The following FRMD6 variants were observed in gnomAD, a reference collection of about 807,000 sequenced individuals.
FRMD6 encodes FERM domain containing 6.
FRMD6 carries 37 observed loss-of-function variants against 73.2 expected under a neutral mutation model. That is an observed-to-expected ratio of 0.51 (90% CI 0.39 to 0.66). The LOEUF (loss-of-function observed/expected upper bound fraction) is 0.66. Among genes scored for constraint, FRMD6 ranks in the 30% least tolerant of loss-of-function variants. FRMD6 has a pLI of 0.00. For missense variants in FRMD6, 714 were observed against 780.5 expected, an observed-to-expected ratio of 0.91 and a Z score of 1.02; for synonymous variants, 273 against 282.2, an observed-to-expected ratio of 0.97 and a Z score of 0.33.
intron 2 of FRMD6, among the ~76,000 whole-genome samples, chr14:51,593,877 AT>A (rs984034236): frequency 6.6e-6 from 1 of 152,142 alleles, no homozygotes; most frequent in African/African-American, 2.4e-5. Context: ...ATATATGTAT[AT>A]ATATATGAAC....
rs1288616213 is a variant in FRMD6 at position 51,711,490 on chromosome 14, T to C, written c.715-41T>C. The C allele has an allele frequency of 8.1e-6, 11 of 1,358,540 alleles. 1 individual carries two copies. Among genetic ancestry groups the C allele is most frequent in the Admixed American group, 1.8e-5 (1 of 56,348 alleles). The allele number at this position is 1,358,540 out of a possible 1,614,324, so 84.2% of individuals were successfully genotyped here. A position where few individuals can be genotyped will look rare whatever the true frequency, so the allele number is the denominator to read the frequency against. On this transcript the variant is annotated intron_variant, in intron 7 of 13. Transcript: ENST00000344768. ...TAAATTGTCCACTGTAGAAAAAATATATAAAAACATTTAATTTTTTATAAA... is the reference window on the plus strand; with the variant it reads ...TAAATTGTCCACTGTAGAAAAAATACATAAAAACATTTAATTTTTTATAAA...
At chr14:51,502,336 T>C (rs1457581990) in intron 1 of FRMD6, among the ~76,000 whole-genome samples, 1 of 152,228 alleles carries the variant, frequency 6.6e-6, no homozygotes, top group African/African-American at 2.4e-5. Context: ...TTTTGGGTTT[T>C]ACATTTAAGT....
intron 1 of FRMD6, among the ~76,000 whole-genome samples, chr14:51,552,198 C>T (rs1886877566): frequency 1.3e-5 from 2 of 152,126 alleles, no homozygotes; most frequent in East Asian, 3.8e-4. Context: ...GGAAAAAAAG[C>T]CTCATTTAAA....
chr14:51,535,496 G>T (rs1016045312), intron 1 of FRMD6, among the ~76,000 whole-genome samples: 9 of 152,094 alleles, frequency 5.9e-5, no homozygotes, highest in Admixed American at 5.9e-4. Flanking sequence ...TTTGAGACTG[G>T]CTTCTTTCAC....
chr14:51,638,960 A>C (rs528539950), intron 2 of FRMD6, among the ~76,000 whole-genome samples: 1 of 149,592 alleles, frequency 6.7e-6, no homozygotes, highest in Non-Finnish European at 1.5e-5. Flanking sequence ...GAGCAGGGAC[A>C]TATCTTGGGT....
intron 2 of FRMD6, among the ~76,000 whole-genome samples, chr14:51,595,957 G>A (rs1422680527): frequency 6.6e-6 from 1 of 151,978 alleles, no homozygotes; most frequent in African/African-American, 2.4e-5. Flanking sequence ...ACATATTTTG[G>A]TTTGTGCTTA....
intron 2 of FRMD6, among the ~76,000 whole-genome samples, chr14:51,612,650 C>G (rs74052613): frequency 0.016 from 2,440 of 152,234 alleles, 71 homozygotes; most frequent in African/African-American, 0.056. Context: ...TTCTGTAGGT[C>G]TTGATTTTGC....
intron 1 of FRMD6, among the ~76,000 whole-genome samples, chr14:51,539,193 T>G (rs558338877): frequency 6.6e-6 from 1 of 152,262 alleles, no homozygotes; most frequent in African/African-American, 2.4e-5. Context: ...CCTTTGCACA[T>G]GCTGTTTTCT....
chr14:51,567,819 C>T (rs1389205625), intron 1 of FRMD6, among the ~76,000 whole-genome samples: 1 of 152,206 alleles, frequency 6.6e-6, no homozygotes, highest in Non-Finnish European at 1.5e-5. Flanking sequence ...TGTATTCAGA[C>T]TTGATCATAA....
intron 2 of FRMD6, among the ~76,000 whole-genome samples, chr14:51,594,879 G>A (rs1410918281): frequency 6.6e-6 from 1 of 152,236 alleles, no homozygotes; most frequent in African/African-American, 2.4e-5. Context: ...ACTCTGGCCA[G>A]AATTGTTAAG....
chr14:51,618,813 A>G (rs1275358249), intron 2 of FRMD6, among the ~76,000 whole-genome samples: 1 of 151,962 alleles, frequency 6.6e-6, no homozygotes, highest in Non-Finnish European at 1.5e-5. Flanking sequence ...AATCCATTGC[A>G]TTCAGTAAAT....
At chr14:51,550,143 C>G (rs1886730640) in intron 1 of FRMD6, among the ~76,000 whole-genome samples, 1 of 152,240 alleles carries the variant, frequency 6.6e-6, no homozygotes, top group African/African-American at 2.4e-5. Context: ...CTTATGACAA[C>G]ATGAAGAAAT....
At chr14:51,423,556 TCTC>T in the FRMD6 span, among the ~76,000 whole-genome samples, 1 of 152,096 alleles carries the variant, frequency 6.6e-6, no homozygotes, top group Non-Finnish European at 1.5e-5. Flanking sequence ...CTTTCTGTCT[TCTC>T]CTTCTCACCC....
intron 1 of FRMD6, among the ~76,000 whole-genome samples, chr14:51,515,364 A>T (rs1884566853): frequency 6.6e-6 from 1 of 152,124 alleles, no homozygotes; most frequent in Non-Finnish European, 1.5e-5. Context: ...TCTATTCTCC[A>T]TCCATCACCT....
At chr14:51,695,465 C>T (rs959750070) in intron 2 of FRMD6, among the ~76,000 whole-genome samples, 7 of 152,058 alleles carry the variant, frequency 4.6e-5, no homozygotes, top group African/African-American at 1.7e-4. Flanking sequence ...GATAATGATT[C>T]CCCATTGGCA....
intron 1 of FRMD6, among the ~76,000 whole-genome samples, chr14:51,674,463 C>T (rs1469874882): frequency 6.6e-6 from 1 of 152,226 alleles, no homozygotes; most frequent in East Asian, 1.9e-4. Context: ...GAATAGTCTG[C>T]TCCTTGGGTT....
intron 1 of FRMD6, among the ~76,000 whole-genome samples, chr14:51,507,293 G>A (rs112485043): frequency 1.2e-3 from 177 of 152,178 alleles, no homozygotes; most frequent in African/African-American, 4.1e-3. Context: ...AACCCAGGGG[G>A]AGCCCAGTTG....
At chr14:51,428,525 C>G in the FRMD6 span, among the ~76,000 whole-genome samples, 1 of 152,178 alleles carries the variant, frequency 6.6e-6, no homozygotes, top group African/African-American at 2.4e-5. Context: ...TACCTGATAG[C>G]TTCATATGCA....
chr14:51,599,279 A>G (rs913662617), intron 2 of FRMD6, among the ~76,000 whole-genome samples: 5 of 152,060 alleles, frequency 3.3e-5, no homozygotes, highest in African/African-American at 4.8e-5. Context: ...TGGGATAGCT[A>G]GCTATCCATA....
Sources: gnomAD v4.1 joint callset for allele counts (sites outside exome capture counted in the v4.1 genomes callset) on GRCh38, gnomAD v4.1.1 for gene constraint, MANE v1.5 for transcripts, NCBI Gene and HGNC (gene_info 2026-07-23, HGNC 2026-07-21) for gene names.